The following MTTP variants were observed in gnomAD, a reference collection of about 807,000 sequenced individuals.
MTTP encodes the protein microsomal triglyceride transfer protein.
In MTTP, 49 loss-of-function variants were observed where a neutral mutation model predicts 90.6. The observed-to-expected ratio is 0.54, with a 90% confidence interval of 0.43 to 0.69. The LOEUF (loss-of-function observed/expected upper bound fraction) is 0.69. MTTP is among the 30% of genes least tolerant of loss of function. The pLI is 0.00. For synonymous variants in MTTP, 347 were observed against 384.2 expected (o/e 0.90, Z 1.13); for missense variants, 945 against 1,067.5 (o/e 0.89, Z 1.60).
intron 3 of MTTP, among the ~76,000 whole-genome samples, chr4:99,585,153 A>G: frequency 6.6e-6 from 1 of 152,162 alleles, no homozygotes; most frequent in East Asian, 1.9e-4. Flanking sequence ...ACTTTGATAA[A>G]GGTTTTACTT....
intron 7 of MTTP, among the ~76,000 whole-genome samples, chr4:99,596,336 T>A (rs1725551675): frequency 6.6e-6 from 1 of 152,148 alleles, no homozygotes; most frequent in Non-Finnish European, 1.5e-5. Context: ...AATAAGTTCT[T>A]CAGTTAGTTT....
At chr4:99,584,629 A>G (rs1325710327) in intron 3 of MTTP, among the ~76,000 whole-genome samples, 1 of 148,588 alleles carries the variant, frequency 6.7e-6, no homozygotes, top group Non-Finnish European at 1.5e-5. Context: ...AATACTTGCC[A>G]TGTTTCTGAC....
Position 99,623,269 on chromosome 4 carries a change from C to A in MTTP, c.*421C>A. 1 of 150,618 alleles carries A rather than the reference C, an allele frequency of 6.6e-6. No individual in the cohort carries two copies. The highest frequency in any genetic ancestry group is 6.6e-5 in the Admixed American group (1 of 15,158). The allele number at this position is 150,618 out of a possible 1,614,324, so 9.3% of individuals were successfully genotyped here. A position where few individuals can be genotyped will look rare whatever the true frequency, so the allele number is the denominator to read the frequency against. ...TTAAGCATGACGGGAAAACCAAACA[C>A]GTTCCCTAATCAGGAAAAAAAAAAA... On this transcript the variant is annotated 3_prime_UTR_variant, in exon 18 of 18. Transcript: ENST00000265517.
At chr4:99,591,951 T>G (rs1725434485) in intron 6 of MTTP, among the ~76,000 whole-genome samples, 161 bp downstream of exon 6, 1 of 152,122 alleles carries the variant, frequency 6.6e-6, no homozygotes, top group Non-Finnish European at 1.5e-5. Context: ...TGTTAGGCAA[T>G]TTCATCACTG....
intron 14 of MTTP, among the ~76,000 whole-genome samples, chr4:99,612,307 T>C (rs1172748349): frequency 1.3e-5 from 2 of 152,008 alleles, no homozygotes; most frequent in Non-Finnish European, 2.9e-5. Context: ...ACAGAAAATA[T>C]GTAGGATTCC....
At chr4:99,616,790 A>G (rs1726108711) in intron 15 of MTTP, among the ~76,000 whole-genome samples, 1 of 152,158 alleles carries the variant, frequency 6.6e-6, no homozygotes, top group South Asian at 2.1e-4. Context: ...CCAGAAATCC[A>G]AGGCACTCCT....
chr4:99,613,207 T>C (rs1215545193), intron 15 of MTTP, 67 bp downstream of exon 15: 1 of 1,390,470 alleles, frequency 7.2e-7, no homozygotes, highest in African/African-American at 1.4e-5. Flanking sequence ...TTAAATATGC[T>C]TAGTTCTTGG....
At chr4:99,619,135 A>G (rs774823205) in intron 16 of MTTP, 37 bp downstream of exon 16, 4 of 1,559,868 alleles carry the variant, frequency 2.6e-6, no homozygotes, top group Non-Finnish European at 3.5e-6. Flanking sequence ...TGAATTACAT[A>G]TAAGACTATA....
At chr4:99,575,893 CACTTATAA>C (rs1445618403) in intron 1 of MTTP, among the ~76,000 whole-genome samples, 1 of 152,136 alleles carries the variant, frequency 6.6e-6, no homozygotes, top group Non-Finnish European at 1.5e-5. Context: ...GAAAACAATT[CACTTATAA>C]ACTTATAAAA....
chr4:99,600,804 G>A, intron 9 of MTTP, 71 bp downstream of exon 9: 3 of 1,477,394 alleles, frequency 2.0e-6, no homozygotes, highest in Non-Finnish European at 2.8e-6. Context: ...GTAATTAAAA[G>A]TTTCTTAGAT....
At chr4:99,569,199 T>G (rs1449190351) in intron 1 of MTTP, among the ~76,000 whole-genome samples, 1 of 152,122 alleles carries the variant, frequency 6.6e-6, no homozygotes, top group African/African-American at 2.4e-5. Context: ...CTCTGTGGTA[T>G]TCCTCCTCCA....
intron 1 of MTTP, among the ~76,000 whole-genome samples, chr4:99,565,028 C>T (rs968766302): frequency 6.6e-6 from 1 of 152,160 alleles, no homozygotes; most frequent in Non-Finnish European, 1.5e-5. Flanking sequence ...TAACTGAGCA[C>T]TGGCAAAAAA....
chr4:99,619,043 G>C lies in MTTP; in HGVS notation c.2287G>C (p.Gly763Arg). The part of the protein sequence containing the change: ...VQGGLAIDIS[G>R]AMEFSLWYRE... ...GGGTGGTCTAGCTATTGATATTTCA[G>C]GTGCAATGGAGTTTAGCTTGTGGTA... Residue 763 changes from glycine (G) to arginine (R), a missense_variant, in exon 16 of 18, where the codon GGT becomes CGT. Coordinates refer to ENST00000265517, the MANE Select transcript of MTTP (RefSeq NM_001386140.1). 1 of 1,613,660 alleles carries C rather than the reference G, an allele frequency of 6.2e-7. No individual in the cohort carries two copies.
In MTTP at chr4:99,621,085, C is replaced by G; in HGVS notation, c.2367C>G (p.Asp789Glu). 1 of 1,614,034 alleles carries G rather than the reference C, an allele frequency of 6.2e-7. No individual in the cohort carries two copies. The highest frequency in any genetic ancestry group is 8.5e-7 in the Non-Finnish European group (1 of 1,179,946). The change falls in exon 17 of 18, where the codon GAC (aspartate) becomes GAG (glutamate). Residue 789 changes from aspartate (D) to glutamate (E), a missense_variant. Transcript: ENST00000265517. ...GGGTGACTGTGGTAATAACCACTGACATCACAGTGGACTCCTCTTTTGTGA... is the reference window on the plus strand; with the variant it reads ...GGGTGACTGTGGTAATAACCACTGAGATCACAGTGGACTCCTCTTTTGTGA... ...KNRVTVVITT[D>E]ITVDSSFVKA...
intron 8 of MTTP, among the ~76,000 whole-genome samples, chr4:99,599,845 T>C (rs778539062): frequency 2.0e-5 from 3 of 152,164 alleles, no homozygotes; most frequent in Non-Finnish European, 4.4e-5. Context: ...ACATGTCACA[T>C]TGTCTGGTGT....
chr4:99,564,598 A>C (rs761943250), intron 1 of MTTP, among the ~76,000 whole-genome samples: 5 of 152,198 alleles, frequency 3.3e-5, no homozygotes, highest in Non-Finnish European at 5.9e-5. Flanking sequence ...TTGACCTTAT[A>C]TAATCTTTTG....
intron 10 of MTTP, among the ~76,000 whole-genome samples, chr4:99,605,839 C>T (rs1013325008): frequency 1.3e-5 from 2 of 150,044 alleles, no homozygotes; most frequent in Non-Finnish European, 3.0e-5. Context: ...CCACTCTTCC[C>T]CATATCATCC....
chr4:99,570,939 G>T (rs1484654400), upstream of MTTP: 1 of 358,340 alleles, frequency 2.8e-6, no homozygotes, highest in Admixed American at 3.6e-5. Flanking sequence ...ATCCCTGTGA[G>T]ACCAGTGTTA....
rs759757889 is a variant in MTTP, at chr4:99,621,172, G to A, written c.2454G>A (p.Gln818=). ...GCTTGGAGTTTATCTCCACAGTGCA[G>A]TTTTCTCAGTACCCATTCTTAGTTT... The part of the protein sequence containing the change: ...EAGLEFISTV[Q]FSQYPFLVCM... Residue 818 remains glutamine, a synonymous_variant, in exon 17 of 18, where the codon CAG becomes CAA. Transcript: ENST00000265517. The A allele has an allele frequency of 1.6e-4, 260 of 1,613,974 alleles. No individual in the cohort carries two copies. Among genetic ancestry groups the A allele is most frequent in the Non-Finnish European group, 2.1e-4 (246 of 1,179,966 alleles).
Sources: allele counts gnomAD v4.1 joint callset (sites outside exome capture counted in the v4.1 genomes callset), GRCh38; gene constraint gnomAD v4.1.1; transcripts MANE v1.5; gene names NCBI Gene and HGNC (gene_info 2026-07-23, HGNC 2026-07-21).